Variants in KNTC1 observed in about 807,000 individuals in gnomAD.
The protein encoded by KNTC1 is kinetochore associated 1.
A neutral mutation model predicts 314.4 loss-of-function variants in KNTC1; 253 were observed. The ratio of observed to expected loss-of-function variants is 0.80; its 90% CI spans 0.73 to 0.89. KNTC1 has a LOEUF of 0.89. KNTC1 is among the 40% of genes least tolerant of loss of function. The pLI is 0.00. For missense variants in KNTC1, 2,475 were observed against 2,572.9 expected, an observed-to-expected ratio of 0.96 and a Z score of 0.82; for synonymous variants, 901 against 901.4, an observed-to-expected ratio of 1.00 and a Z score of 0.01.
intron 44 of KNTC1, among the ~76,000 whole-genome samples, chr12:122,600,013 T>A (rs976998949): frequency 4.6e-5 from 7 of 152,146 alleles, no homozygotes; most frequent in African/African-American, 1.7e-4. Flanking sequence ...AGCGAGACTC[T>A]GTGTCAAAAA....
At chr12:122,542,023 A>G (rs1180725250) in intron 5 of KNTC1, 27 bp from the exon 6 acceptor site, 7 of 1,497,818 alleles carry the variant, frequency 4.7e-6, no homozygotes, top group Non-Finnish European at 6.3e-6. Flanking sequence ...CAAAAAAAAG[A>G]AACTGATTCT....
intron 10 of KNTC1, among the ~76,000 whole-genome samples, chr12:122,546,902 G>A (rs866844059): frequency 6.0e-5 from 9 of 149,580 alleles, no homozygotes; most frequent in African/African-American, 1.5e-4. Flanking sequence ...GTGCGATCTC[G>A]GCTCACTGCA....
In KNTC1 at chr12:122,591,395, T is replaced by G; in HGVS notation, c.4187T>G (p.Leu1396Arg). The G allele has an allele frequency of 6.2e-7, 1 of 1,612,664 alleles. No individual in the cohort carries two copies. The highest frequency in any genetic ancestry group is 8.5e-7 in the Non-Finnish European group (1 of 1,178,948). The change falls in exon 42 of 64, where the codon CTT (leucine) becomes CGT (arginine). Residue 1396 changes from leucine to arginine, a missense_variant. Transcript: ENST00000333479. ...ASLYQEIEMG[L>R]KFRELSTDAQ... Reference sequence around the variant, plus strand: ...CTCTATCAGGAAATAGAAATGGGGCTTAAGTTCCGTGAACTCAGTACTGAT... The same window carrying G: ...CTCTATCAGGAAATAGAAATGGGGCGTAAGTTCCGTGAACTCAGTACTGAT...
intron 16 of KNTC1, among the ~76,000 whole-genome samples, chr12:122,554,849 T>C (rs1019204594): frequency 6.6e-6 from 1 of 152,190 alleles, no homozygotes; most frequent in Non-Finnish European, 1.5e-5. Flanking sequence ...TAAAGAACTT[T>C]TAGTAGACTT....
At chr12:122,582,645 A>T (rs1868589092) in intron 33 of KNTC1, 60 bp from the exon 34 acceptor site, 2 of 1,414,524 alleles carry the variant, frequency 1.4e-6, no homozygotes, top group Admixed American at 2.3e-5. Flanking sequence ...AATGAAAATG[A>T]TTATTTTAAA....
intron 43 of KNTC1, among the ~76,000 whole-genome samples, chr12:122,595,624 G>C (rs892612988): frequency 1.3e-5 from 2 of 152,192 alleles, no homozygotes; most frequent in Non-Finnish European, 2.9e-5. Flanking sequence ...TATAGGCTGC[G>C]CATAGCTCGA....
intron 34 of KNTC1, 133 bp from the exon 35 acceptor site, chr12:122,584,145 C>T (rs1010419709): frequency 7.2e-6 from 5 of 697,510 alleles, no homozygotes; most frequent in South Asian, 5.8e-5. Context: ...AGAAAAACTA[C>T]ACTATATACC....
intron 20 of KNTC1, among the ~76,000 whole-genome samples, chr12:122,567,917 A>C (rs1964451057): frequency 6.6e-6 from 1 of 152,218 alleles, no homozygotes; most frequent in Non-Finnish European, 1.5e-5. Context: ...GCTTGAGCCC[A>C]GGAATTCAAG....
At chr12:122,554,074 A>ATATATATATATATATATATAT (rs71445282) in intron 16 of KNTC1, among the ~76,000 whole-genome samples, 1 of 70,680 alleles carries the variant, frequency 1.4e-5, no homozygotes, top group African/African-American at 5.2e-5. Context: ...TAAAAAAAAA[A>ATATATATATATATATATATAT]AAATATATAT....
At chr12:122,544,017 C>G (rs1486423756) in intron 7 of KNTC1, 142 bp from the exon 8 acceptor site, 16 of 453,028 alleles carry the variant, frequency 3.5e-5, no homozygotes, top group Admixed American at 2.1e-4. Flanking sequence ...CCATTGCACT[C>G]TAGCCTGGGC....
At chr12:122,582,565 A>G (rs1020689934) in intron 33 of KNTC1, 140 bp from the exon 34 acceptor site, 8 of 711,652 alleles carry the variant, frequency 1.1e-5, no homozygotes, top group Non-Finnish European at 1.8e-5. Flanking sequence ...CACACAATAT[A>G]CCCAGGTGAG....
At chr12:122,541,186 C>G (rs1216353111) in intron 5 of KNTC1, among the ~76,000 whole-genome samples, 2 of 149,950 alleles carry the variant, frequency 1.3e-5, no homozygotes, top group African/African-American at 4.9e-5. Flanking sequence ...GACCCTGTCT[C>G]AAAAACAAAA....
In KNTC1 at chr12:122,590,583, T is replaced by G. The variant is rs749633442; in HGVS notation, c.4000-24T>G. The G allele has an allele frequency of 2.7e-5, 42 of 1,583,646 alleles. No homozygotes were observed. The Middle Eastern group carries it at 6.7e-4, about 25-fold the overall frequency. On this transcript the variant is annotated intron_variant, in intron 40 of 63. Coordinates refer to ENST00000333479, the MANE Select transcript of KNTC1 (RefSeq NM_014708.6). ...CTGTTTTGATTGTGAAGAATTTGCTTCTTTTGCTGGTTTCTTCCTGTAGGT... is the reference window on the plus strand; with the variant it reads ...CTGTTTTGATTGTGAAGAATTTGCTGCTTTTGCTGGTTTCTTCCTGTAGGT...
chr12:122,606,713 C>T (rs1872625836), intron 51 of KNTC1, among the ~76,000 whole-genome samples: 1 of 151,896 alleles, frequency 6.6e-6, no homozygotes, highest in African/African-American at 2.4e-5. Flanking sequence ...CTATATACAC[C>T]TTTCACCGAG....
rs200540123 is a variant in KNTC1, at chr12:122,591,314, T to C, written c.4129-23T>C. On this transcript the variant is annotated intron_variant, in intron 41 of 63. Coordinates refer to ENST00000333479, the MANE Select transcript of KNTC1 (RefSeq NM_014708.6). Reference sequence around the variant, plus strand: ...AATACATTCTACTTACGATTGAACTTTAATTCTCTTTTAATTTTTTAGGCA... The same window carrying C: ...AATACATTCTACTTACGATTGAACTCTAATTCTCTTTTAATTTTTTAGGCA... 6 of 1,241,494 alleles carry C rather than the reference T, an allele frequency of 4.8e-6. No individual in the cohort carries two copies. In the African/African-American group the frequency reaches 8.8e-5, roughly 18 times the overall value. 76.9% of individuals were successfully genotyped at this position (1,241,494 alleles called of 1,614,324 possible).
intron 44 of KNTC1, among the ~76,000 whole-genome samples, chr12:122,600,797 C>G (rs1386098166): frequency 6.6e-6 from 1 of 152,008 alleles, no homozygotes; most frequent in Non-Finnish European, 1.5e-5. Context: ...TCCCAAGTAG[C>G]TGGGACTACA....
chr12:122,560,146 A>G (rs2137835233), intron 18 of KNTC1, among the ~76,000 whole-genome samples: 1 of 152,244 alleles, frequency 6.6e-6, no homozygotes, highest in Non-Finnish European at 1.5e-5. Flanking sequence ...CACTTAGCAT[A>G]ATATCCTCCA....
intron 35 of KNTC1, 130 bp from the exon 36 acceptor site, chr12:122,584,763 G>A (rs1868988580): frequency 3.4e-6 from 2 of 591,348 alleles, no homozygotes; most frequent in African/African-American, 1.9e-5. Context: ...GGTAGTCAAA[G>A]CTATATGGAA....
At chr12:122,543,544 T>G in intron 6 of KNTC1, 56 bp from the exon 7 acceptor site, 1 of 1,189,732 alleles carries the variant, frequency 8.4e-7, no homozygotes, top group Non-Finnish European at 1.2e-6. Context: ...ACAGGTGACT[T>G]GTATTATTTT....
Sources: gnomAD v4.1 joint callset for allele counts (sites outside exome capture counted in the v4.1 genomes callset) on GRCh38, gnomAD v4.1.1 for gene constraint, MANE v1.5 for transcripts, NCBI Gene and HGNC (gene_info 2026-07-23, HGNC 2026-07-21) for gene names.